Variants in SNAPC3 observed in about 807,000 individuals in gnomAD.
SNAPC3 encodes snRNA-activating protein complex subunit 3.
A neutral mutation model predicts 47.7 loss-of-function variants in SNAPC3; 56 were observed. The observed-to-expected ratio is 1.18, with a 90% CI of 0.95 to 1.47. SNAPC3 has a LOEUF of 1.47. Ranked by LOEUF, SNAPC3 falls within the 40% of genes most tolerant of loss-of-function variation. The pLI, the probability that SNAPC3 is intolerant of heterozygous loss-of-function variation, is 0.00. For synonymous variants in SNAPC3, 235 were observed against 189.9 expected (o/e 1.24, Z -1.95); for missense variants, 665 against 511.3 (o/e 1.30, Z -2.90).
At chr9:15,451,481 T>C in intron 6 of SNAPC3, 79 bp downstream of exon 6, 1 of 594,556 alleles carries the variant, frequency 1.7e-6, no homozygotes, top group Non-Finnish European at 2.9e-6. Flanking sequence ...AATCCTATTA[T>C]TGGCCTATTA....
At chr9:15,427,475 A>T (rs1045165211) in intron 2 of SNAPC3, among the ~76,000 whole-genome samples, 1 of 152,138 alleles carries the variant, frequency 6.6e-6, no homozygotes, top group Non-Finnish European at 1.5e-5. Context: ...CAGCCTCCCA[A>T]GTAGCTGGGA....
chr9:15,437,221 G>A (rs888144748), intron 3 of SNAPC3, among the ~76,000 whole-genome samples: 14 of 151,568 alleles, frequency 9.2e-5, no homozygotes, highest in African/African-American at 3.4e-4. Context: ...GCTATTGTAA[G>A]TGAAATTGTT....
At chr9:15,448,108 A>G (rs2034085213) in intron 5 of SNAPC3, among the ~76,000 whole-genome samples, 1 of 152,196 alleles carries the variant, frequency 6.6e-6, no homozygotes, top group Non-Finnish European at 1.5e-5. Context: ...TCTCCTAGAG[A>G]TAAGTAAAAA....
At chr9:15,458,105 G>T in intron 8 of SNAPC3, 38 bp downstream of exon 8, 1 of 1,093,258 alleles carries the variant, frequency 9.1e-7, no homozygotes, top group Non-Finnish European at 1.3e-6. Context: ...TCTGAGAAAT[G>T]GCAGTTTTGA....
chr9:15,434,511 G>A (rs1267068620), intron 3 of SNAPC3, among the ~76,000 whole-genome samples: 4 of 151,392 alleles, frequency 2.6e-5, no homozygotes, highest in South Asian at 2.1e-4. Flanking sequence ...GGGTTCAAGC[G>A]ATTCTCCTGC....
At position 15,456,119 on chromosome 9, in the gene SNAPC3, C is replaced by A. The variant is rs914112694; in HGVS notation, c.981-1841C>A. ...GAACTCCCGACCTCAGGTGATCCGC[C>A]CACCTCAGCCTCCCAAAGTGCTGGG... On this transcript the variant is annotated intron_variant, in intron 7 of 8. Coordinates refer to ENST00000380821, the MANE Select transcript of SNAPC3 (RefSeq NM_001039697.2). Among the ~76,000 whole-genome samples, 7 of 152,270 alleles carry A rather than the reference C, an allele frequency of 4.6e-5. No individual in the cohort carries two copies. In the South Asian group the frequency reaches 1.5e-3, roughly 32 times the overall value.
At chr9:15,438,323 C>T (rs1203674598) in intron 3 of SNAPC3, among the ~76,000 whole-genome samples, 3 of 152,036 alleles carry the variant, frequency 2.0e-5, no homozygotes, top group African/African-American at 7.2e-5. Context: ...TCAGTAGTAA[C>T]GTCTCCACTT....
intron 6 of SNAPC3, 125 bp from the exon 7 acceptor site, chr9:15,452,916 A>G (rs1229032661): frequency 1.1e-5 from 8 of 725,664 alleles, no homozygotes; most frequent in East Asian, 2.7e-5. Context: ...CTTCATCTCA[A>G]GATGGCAACT....
At position 15,437,475 on chromosome 9, in the gene SNAPC3, C is replaced by A. The variant is rs142793101; in HGVS notation, c.477+3839C>A. On this transcript the variant is annotated intron_variant, in intron 3 of 8. Coordinates refer to ENST00000380821, the MANE Select transcript of SNAPC3 (RefSeq NM_001039697.2). Reference sequence around the variant, plus strand: ...CTTGAACTCCTGACCTCAGGTGATCCACCCACCTTGGCCTCTCAAATTGCT... The same window carrying A: ...CTTGAACTCCTGACCTCAGGTGATCAACCCACCTTGGCCTCTCAAATTGCT... Among the ~76,000 whole-genome samples, 283 of 152,216 alleles carry A rather than the reference C, an allele frequency of 1.9e-3. 1 individual carries two copies. The highest frequency in any genetic ancestry group is 6.5e-3 in the African/African-American group (270 of 41,550).
intron 8 of SNAPC3, among the ~76,000 whole-genome samples, chr9:15,458,816 T>C (rs2034987858): frequency 6.6e-6 from 1 of 152,100 alleles, no homozygotes; most frequent in Non-Finnish European, 1.5e-5. Flanking sequence ...GGTTGAGCAT[T>C]CCAAATTTCA....
At chr9:15,453,822 G>T (rs2034572221) in intron 7 of SNAPC3, among the ~76,000 whole-genome samples, 1 of 152,146 alleles carries the variant, frequency 6.6e-6, no homozygotes, top group Non-Finnish European at 1.5e-5. Flanking sequence ...TCCATTGCTG[G>T]TTTGATTCCT....
At chr9:15,435,346 G>C (rs2032659865) in intron 3 of SNAPC3, among the ~76,000 whole-genome samples, 1 of 152,174 alleles carries the variant, frequency 6.6e-6, no homozygotes, top group Non-Finnish European at 1.5e-5. Context: ...GCCGAGGTGG[G>C]TGGATCACCT....
At position 15,435,043 on chromosome 9, in the gene SNAPC3, G is replaced by T. The variant is rs529724519; in HGVS notation, c.477+1407G>T. On this transcript the variant is annotated intron_variant, in intron 3 of 8. Coordinates refer to ENST00000380821, the MANE Select transcript of SNAPC3 (RefSeq NM_001039697.2). ...TACATTCCCATCAGTAATGCATGAA[G>T]GTTCCAATTTCTCCATGTACTTGTG... Among the ~76,000 whole-genome samples the T allele has an allele frequency of 4.6e-5, 7 of 152,166 alleles. No homozygotes were observed. In the East Asian group the frequency reaches 1.4e-3, roughly 29 times the overall value.
At chr9:15,453,300 A>G in intron 7 of SNAPC3, 95 bp downstream of exon 7, 5 of 998,350 alleles carry the variant, frequency 5.0e-6, no homozygotes, top group Non-Finnish European at 7.3e-6. Flanking sequence ...AAGAGGAGTA[A>G]AAGTAATAAC....
rs528456247 is a variant in SNAPC3 at position 15,455,922 on chromosome 9, T to G, written c.981-2038T>G. On this transcript the variant is annotated intron_variant, in intron 7 of 8. Transcript: ENST00000380821. Reference sequence around the variant, plus strand: ...CGAGTTTCGCTCTTGTTGTCCCAGCTGGAGTGCAGTGGCGTGATCTCGGCT... The same window carrying G: ...CGAGTTTCGCTCTTGTTGTCCCAGCGGGAGTGCAGTGGCGTGATCTCGGCT... Among the ~76,000 whole-genome samples, 177 of 152,292 alleles carry G rather than the reference T, an allele frequency of 1.2e-3. 2 individuals carry two copies. The highest frequency in any genetic ancestry group is 3.9e-3 in the African/African-American group (164 of 41,578).
chr9:15,428,938 A>C (rs1013113891), intron 2 of SNAPC3, among the ~76,000 whole-genome samples: 6 of 152,186 alleles, frequency 3.9e-5, no homozygotes, highest in Non-Finnish European at 7.3e-5. Context: ...TTCATGTTTA[A>C]AAACATAATC....
At chr9:15,445,314 C>T (rs999133752) in intron 4 of SNAPC3, among the ~76,000 whole-genome samples, 1 of 152,204 alleles carries the variant, frequency 6.6e-6, no homozygotes, top group Non-Finnish European at 1.5e-5. Flanking sequence ...TCTAATTCTA[C>T]TAATTCTTGA....
Position 15,451,302 on chromosome 9 carries a change from C to T in SNAPC3, c.733-18C>T. On this transcript the variant is annotated intron_variant, in intron 5 of 8. Coordinates refer to ENST00000380821, the MANE Select transcript of SNAPC3 (RefSeq NM_001039697.2). ...GTTAATAGTTGATTTTCTCTCAATACAATCTGTTTTCTTGTAGGACCTATA... is the reference window on the plus strand; with the variant it reads ...GTTAATAGTTGATTTTCTCTCAATATAATCTGTTTTCTTGTAGGACCTATA... The T allele has an allele frequency of 1.9e-6, 2 of 1,048,822 alleles. No individual in the cohort carries two copies. The highest frequency in any genetic ancestry group is 2.8e-6 in the Non-Finnish European group (2 of 713,092). 65.0% of individuals were successfully genotyped at this position (1,048,822 alleles called of 1,614,324 possible).
In SNAPC3 at chr9:15,456,706, G is replaced by A. The variant is rs141033010; in HGVS notation, c.981-1254G>A. Among the ~76,000 whole-genome samples, 12 of 152,180 alleles carry A rather than the reference G, an allele frequency of 7.9e-5. No individual in the cohort carries two copies. In the East Asian group the frequency reaches 9.7e-4, roughly 12 times the overall value. ...TGGTCTTGAACTCCTGAGCTCAAGC[G>A]ATCCTCCTGCCTTGGCCTCCCAAAG... On this transcript the variant is annotated intron_variant, in intron 7 of 8. Coordinates refer to ENST00000380821, the MANE Select transcript of SNAPC3 (RefSeq NM_001039697.2).
Sources: allele counts gnomAD v4.1 joint callset (sites outside exome capture counted in the v4.1 genomes callset), GRCh38; gene constraint gnomAD v4.1.1; transcripts MANE v1.5; gene names NCBI Gene and HGNC (gene_info 2026-07-23, HGNC 2026-07-21).